The following NME7 variants were observed in gnomAD, a reference collection of about 807,000 sequenced individuals.
The protein encoded by NME7 is nucleoside diphosphate kinase 7.
A neutral mutation model predicts 49.1 loss-of-function variants in NME7; 41 were observed. The ratio of observed to expected loss-of-function variants is 0.83; its 90% CI spans 0.65 to 1.08. The LOEUF is 1.08. Among genes scored for constraint, NME7 ranks in the 50% least tolerant of loss-of-function variants. The pLI is 0.00. For missense variants in NME7, 423 were observed against 463.4 expected, an observed-to-expected ratio of 0.91 and a Z score of 0.80; for synonymous variants, 139 against 150.6, an observed-to-expected ratio of 0.92 and a Z score of 0.56.
chr1:169,281,030 T>G (rs903740579), intron 7 of NME7, among the ~76,000 whole-genome samples: 7 of 152,198 alleles, frequency 4.6e-5, no homozygotes, highest in Non-Finnish European at 7.3e-5. Flanking sequence ...GCATTGAATC[T>G]ATAAATTACT....
rs1647571043 is a variant in NME7 at position 169,230,630 on chromosome 1, A to G, written c.990+88T>C. The G allele has an allele frequency of 1.5e-5, 9 of 607,450 alleles. No homozygotes were observed. In the South Asian group the frequency reaches 3.3e-4, roughly 23 times the overall value. The allele number at this position is 607,450 out of a possible 1,614,324, so 37.6% of individuals were successfully genotyped here. ...TATTATATTCATTTTTACATTATTT[A>G]CTTAAAGGAACAAACGAAAAATTTT... On this transcript the variant is annotated intron_variant, in intron 10 of 11. Coordinates refer to ENST00000367811, the MANE Select transcript of NME7 (RefSeq NM_013330.5).
intron 7 of NME7, among the ~76,000 whole-genome samples, chr1:169,247,949 C>G (rs541190225): frequency 8.9e-4 from 136 of 152,182 alleles, no homozygotes; most frequent in African/African-American, 3.2e-3. Flanking sequence ...TAAACATATG[C>G]GTGCAAGTGT....
chr1:169,250,169 TC>T (rs1343032837), intron 7 of NME7, among the ~76,000 whole-genome samples: 2 of 152,070 alleles, frequency 1.3e-5, no homozygotes, highest in South Asian at 2.1e-4. Flanking sequence ...CTTGGTCTGT[TC>T]GGGGTTTCTA....
chr1:169,293,097 C>G (rs538501092), intron 6 of NME7, among the ~76,000 whole-genome samples: 1 of 151,910 alleles, frequency 6.6e-6, no homozygotes, highest in South Asian at 2.1e-4. Context: ...GAGTTTGAGA[C>G]CAGACTGGGC....
intron 11 of NME7, among the ~76,000 whole-genome samples, chr1:169,153,877 T>A (rs74395896): frequency 0.011 from 1,642 of 152,014 alleles, 41 homozygotes; most frequent in African/African-American, 0.038. Context: ...TTTTTTTTTT[T>A]TTTTATTTTT....
Position 169,274,898 on chromosome 1 carries a change from C to T in NME7, c.754+12405G>A, listed in dbSNP as rs1192271937. Among the ~76,000 whole-genome samples, 13 of 133,024 alleles carry T rather than the reference C, an allele frequency of 9.8e-5. 2 individuals are homozygous for T. Among genetic ancestry groups the T allele is most frequent in the Admixed American group, 5.2e-4 (7 of 13,488 alleles). 87.3% of individuals were successfully genotyped at this position (133,024 alleles called of 152,430 possible). ...TGTAGTATAGTTTGAAGTCAGGTAG[C>T]GTGATGCCTCCAGCTTTGTTCTTTT... On this transcript the variant is annotated intron_variant, in intron 7 of 11. Coordinates refer to ENST00000367811, the MANE Select transcript of NME7 (RefSeq NM_013330.5).
intron 7 of NME7, among the ~76,000 whole-genome samples, chr1:169,261,117 T>A (rs1571336642): frequency 7.5e-6 from 1 of 133,674 alleles, no homozygotes; most frequent in Non-Finnish European, 1.8e-5. Context: ...TTTATAAATG[T>A]TTACTGAAAC....
rs908045893 is a variant in NME7 at position 169,271,972 on chromosome 1, A to G, written c.754+15331T>C. Among the ~76,000 whole-genome samples, 3 of 131,888 alleles carry G rather than the reference A, an allele frequency of 2.3e-5. 1 individual carries two copies. Among genetic ancestry groups the G allele is most frequent in the Non-Finnish European group, 5.3e-5 (3 of 56,442 alleles). 86.5% of individuals were successfully genotyped at this position (131,888 alleles called of 152,430 possible). A position where few individuals can be genotyped will look rare whatever the true frequency, so the allele number is the denominator to read the frequency against. On this transcript the variant is annotated intron_variant, in intron 7 of 11. Coordinates refer to ENST00000367811, the MANE Select transcript of NME7 (RefSeq NM_013330.5). ...GTTTAATCTGAACTGGGTTAATTACATACTTCAAAATGGTCTTAAATTATT... is the reference window on the plus strand; with the variant it reads ...GTTTAATCTGAACTGGGTTAATTACGTACTTCAAAATGGTCTTAAATTATT...
Position 169,322,728 on chromosome 1 carries a change from T to C in NME7, c.278+389A>G, listed in dbSNP as rs112281029. Among the ~76,000 whole-genome samples the C allele has an allele frequency of 5.5e-3, 835 of 151,950 alleles. 8 individuals are homozygous for C. Among genetic ancestry groups the C allele is most frequent in the African/African-American group, 0.019 (798 of 41,472 alleles). On this transcript the variant is annotated intron_variant, in intron 3 of 11. Coordinates refer to ENST00000367811, the MANE Select transcript of NME7 (RefSeq NM_013330.5). ...AAACTTGACAATAGGCAGCATTAGT[T>C]ACAAACAATCTAGGCAAAAACCTCC... is the stretch of plus-strand genomic sequence containing the variant.
intron 1 of NME7, among the ~76,000 whole-genome samples, chr1:169,364,442 C>T (rs1350542587): frequency 3.3e-5 from 5 of 152,140 alleles, no homozygotes; most frequent in South Asian, 2.1e-4. Context: ...GACAAGGTCT[C>T]GCTATGTTGC....
At chr1:169,222,359 C>G (rs1349501349) in intron 10 of NME7, among the ~76,000 whole-genome samples, 2 of 152,156 alleles carry the variant, frequency 1.3e-5, no homozygotes, top group Non-Finnish European at 2.9e-5. Flanking sequence ...GGCACTCAAA[C>G]ATTTATGAAT....
At chr1:169,135,264 C>T (rs547583627) in intron 11 of NME7, among the ~76,000 whole-genome samples, 1 of 152,110 alleles carries the variant, frequency 6.6e-6, no homozygotes, top group Non-Finnish European at 1.5e-5. Context: ...GCTCCAGCTG[C>T]ACCTAATACC....
intron 1 of NME7, among the ~76,000 whole-genome samples, chr1:169,361,565 A>C (rs1422117829): frequency 2.0e-5 from 3 of 152,160 alleles, no homozygotes; most frequent in Non-Finnish European, 2.9e-5. Context: ...GGATGACCTG[A>C]GATCAGGAGT....
At chr1:169,349,374 C>G (rs1653069112) in intron 1 of NME7, among the ~76,000 whole-genome samples, 1 of 152,110 alleles carries the variant, frequency 6.6e-6, no homozygotes, top group Non-Finnish European at 1.5e-5. Flanking sequence ...ATCCTTTGCC[C>G]AGTCAGCCCC....
rs1199966916 is a variant in NME7 at position 169,319,052 on chromosome 1, TTTTAA to T, written c.278+4060_278+4064del. On this transcript the variant is annotated intron_variant, in intron 3 of 11. Coordinates refer to ENST00000367811, the MANE Select transcript of NME7 (RefSeq NM_013330.5). Reference sequence around the variant, plus strand: ...AATTTAATTTTAATTTTAATTTTAATTTTAATTTAATTTTTAAATTTAATTTTAAT... The same window carrying T: ...AATTTAATTTTAATTTTAATTTTAATTTTAATTTTTAAATTTAATTTTAAT... Among the ~76,000 whole-genome samples, 12 of 148,996 alleles carry T rather than the reference TTTTAA, an allele frequency of 8.1e-5. No individual in the cohort carries two copies. In the South Asian group the frequency reaches 1.0e-3, roughly 13 times the overall value.
At chr1:169,268,141 AC>A in intron 7 of NME7, among the ~76,000 whole-genome samples, 1 of 134,082 alleles carries the variant, frequency 7.5e-6, no homozygotes, top group South Asian at 2.3e-4. Context: ...ACATGAACAG[AC>A]AATTTTCAAA....
At chr1:169,240,794 T>C (rs1648057252) in intron 7 of NME7, among the ~76,000 whole-genome samples, 1 of 152,140 alleles carries the variant, frequency 6.6e-6, no homozygotes, top group African/African-American at 2.4e-5. Flanking sequence ...TATTCTGTTA[T>C]ACAATGTATT....
At chr1:169,331,505 T>C (rs569881978) in intron 1 of NME7, among the ~76,000 whole-genome samples, 1 of 152,244 alleles carries the variant, frequency 6.6e-6, no homozygotes, top group African/African-American at 2.4e-5. Context: ...ATAAAGGGCA[T>C]CCAAATTGAA....
At chr1:169,203,544 C>T (rs1156329296) in intron 10 of NME7, among the ~76,000 whole-genome samples, 3 of 152,070 alleles carry the variant, frequency 2.0e-5, no homozygotes, top group Non-Finnish European at 4.4e-5. Context: ...GAATGTATTA[C>T]AATTAGGCCT....
Sources: gnomAD v4.1 joint callset for allele counts (sites outside exome capture counted in the v4.1 genomes callset) on GRCh38, gnomAD v4.1.1 for gene constraint, MANE v1.5 for transcripts, NCBI Gene and HGNC (gene_info 2026-07-23, HGNC 2026-07-21) for gene names.